FBRSL1: variants seen among roughly 807,000 people sequenced by gnomAD.
The protein encoded by FBRSL1 is fibrosin like 1.
FBRSL1 carries 51 observed loss-of-function variants against 89.6 expected under a neutral mutation model. The observed-to-expected ratio is 0.57, with a 90% CI of 0.45 to 0.72. The LOEUF (loss-of-function observed/expected upper bound fraction) is 0.72, where lower values mean the gene tolerates loss of function less well. FBRSL1 is among the 30% of genes least tolerant of loss of function. The pLI is 0.00. For missense variants in FBRSL1, 1,618 were observed against 1,451.8 expected (o/e 1.11, Z -1.86); for synonymous variants, 779 against 681.1 (o/e 1.14, Z -2.24).
chr12:132,533,821 G>C (rs1209882862), intron 4 of FBRSL1, among the ~76,000 whole-genome samples: 1 of 152,230 alleles, frequency 6.6e-6, no homozygotes, highest in South Asian at 2.1e-4. Flanking sequence ...TGCCATTCCA[G>C]AGGGGAGAGG....
intron 4 of FBRSL1, among the ~76,000 whole-genome samples, chr12:132,547,369 G>A (rs998345634): frequency 2.6e-5 from 4 of 152,124 alleles, no homozygotes; most frequent in East Asian, 1.9e-4. Flanking sequence ...ATTTGTTTTC[G>A]GGATTATCAC....
chr12:132,563,339 C>T (rs1442300145), intron 5 of FBRSL1, among the ~76,000 whole-genome samples: 1 of 85,174 alleles, frequency 1.2e-5, no homozygotes, highest in African/African-American at 4.9e-5. Flanking sequence ...CCACAGCCTG[C>T]ACCTCACATC....
chr12:132,581,771 GC>G lies in FBRSL1; in HGVS notation c.1945del (p.Leu649TrpfsTer4). 6.5e-7 allele frequency: 1 copy of G among 1,549,552 alleles called. No homozygotes were observed. The highest frequency in any genetic ancestry group is 8.7e-7 in the Non-Finnish European group (1 of 1,146,488). On this transcript the variant is annotated frameshift_variant, in exon 17 of 19. Coordinates refer to ENST00000680143, the MANE Select transcript of FBRSL1 (RefSeq NM_001367871.1). LOFTEE classifies it high-confidence loss of function. ...DPFSRPSTFG[G>X]LGSLSSHAFG... ...TTCAGCAGACCGAGCACCTTTGGGG[GC>G]CTGGGCAGCCTGAGCAGCCACGCCT...
intron 4 of FBRSL1, among the ~76,000 whole-genome samples, chr12:132,528,294 C>A (rs1292122967): frequency 6.6e-6 from 1 of 152,046 alleles, no homozygotes; most frequent in Non-Finnish European, 1.5e-5. Flanking sequence ...TCAGAGTAGT[C>A]AGCCTGCACA....
intron 18 of FBRSL1, among the ~76,000 whole-genome samples, chr12:132,582,535 C>T (rs1217003534): frequency 6.6e-6 from 1 of 151,716 alleles, no homozygotes; most frequent in Non-Finnish European, 1.5e-5. Flanking sequence ...CGACTCCTCC[C>T]TGCGGTGGGG....
In FBRSL1 at chr12:132,564,717, G is replaced by A. The variant is rs1010879975; in HGVS notation, c.646-2764G>A. On this transcript the variant is annotated intron_variant, in intron 5 of 18. Transcript: ENST00000680143. ...TCACCGTGTTAGCCAGGATGGTCTCGATCTCCTGACCTCGTGATCCGCCCT... is the reference window on the plus strand; with the variant it reads ...TCACCGTGTTAGCCAGGATGGTCTCAATCTCCTGACCTCGTGATCCGCCCT... 4.2e-4 allele frequency among the ~76,000 whole-genome samples: 36 copies of A among 85,476 alleles called. 8 individuals are homozygous for A. The highest frequency in any genetic ancestry group is 8.9e-4 in the East Asian group (1 of 1,128). 56.1% of individuals were successfully genotyped at this position (85,476 alleles called of 152,430 possible). A position where few individuals can be genotyped will look rare whatever the true frequency, so the allele number is the denominator to read the frequency against.
At chr12:132,490,997 G>C (rs937765259) in intron 1 of FBRSL1, 136 bp downstream of exon 1, 7 of 670,932 alleles carry the variant, frequency 1.0e-5, no homozygotes, top group Middle Eastern at 1.3e-3. Context: ...CCGGCCACTT[G>C]GTACCCGTTC....
rs974300504 is a variant in FBRSL1 at position 132,509,862 on chromosome 12, C to T, written c.489+1512C>T. 56 of 1,231,854 alleles carry T rather than the reference C, an allele frequency of 4.5e-5. 1 individual carries two copies. The highest frequency in any genetic ancestry group is 2.2e-4 in the East Asian group (7 of 31,702). 76.3% of individuals were successfully genotyped at this position (1,231,854 alleles called of 1,614,324 possible). ...GCGGCCACTCCTCACCCTCCGACCA[C>T]GCCGACGGCCCGCCAGCTTCCTCCC... On this transcript the variant is annotated intron_variant, in intron 2 of 18. Transcript: ENST00000680143.
chr12:132,508,707 G>A (rs1047628480), intron 2 of FBRSL1, among the ~76,000 whole-genome samples: 2 of 152,264 alleles, frequency 1.3e-5, no homozygotes, highest in Admixed American at 6.5e-5. Flanking sequence ...TCTATAAGGA[G>A]GGGGTCCAGG....
chr12:132,558,301 T>C (rs1232776482), intron 5 of FBRSL1, among the ~76,000 whole-genome samples: 1 of 152,184 alleles, frequency 6.6e-6, no homozygotes, highest in Admixed American at 6.5e-5. Context: ...GCGGCCAGCC[T>C]GCCGGCTCAG....
At chr12:132,491,418 A>AT (rs2030934817) in intron 1 of FBRSL1, among the ~76,000 whole-genome samples, 1 of 152,244 alleles carries the variant, frequency 6.6e-6, no homozygotes, top group African/African-American at 2.4e-5. Context: ...TGCTGAGCAA[A>AT]TACTGCTCCT....
At chr12:132,538,491 C>T (rs538980864) in intron 4 of FBRSL1, among the ~76,000 whole-genome samples, 244 of 152,306 alleles carry the variant, frequency 1.6e-3, no homozygotes, top group Admixed American at 2.4e-3. Flanking sequence ...CAGTGGGCGA[C>T]GCAGAGCCCA....
chr12:132,558,456 T>A (rs1230038697), intron 5 of FBRSL1, among the ~76,000 whole-genome samples: 2 of 152,220 alleles, frequency 1.3e-5, no homozygotes, highest in Non-Finnish European at 2.9e-5. Context: ...CGGAAGTGCC[T>A]ATGTGGACAC....
At chr12:132,527,807 T>G (rs2136960732) in intron 3 of FBRSL1, 146 bp from the exon 4 acceptor site, 1 of 740,576 alleles carries the variant, frequency 1.4e-6, no homozygotes. Flanking sequence ...GGGCTTCGGG[T>G]CTGTGGATCT....
chr12:132,539,408 G>A (rs2037036857), intron 4 of FBRSL1, among the ~76,000 whole-genome samples: 1 of 134,440 alleles, frequency 7.4e-6, no homozygotes, highest in South Asian at 2.5e-4. Context: ...CCAGCCCCAT[G>A]TCCACCCAGT....
chr12:132,491,911 C>T (rs1275654875), intron 1 of FBRSL1, among the ~76,000 whole-genome samples: 2 of 152,222 alleles, frequency 1.3e-5, no homozygotes. Context: ...AGAGCTGGGG[C>T]TCCTGTGGGC....
At chr12:132,498,225 C>T (rs937115160) in intron 1 of FBRSL1, among the ~76,000 whole-genome samples, 1 of 152,148 alleles carries the variant, frequency 6.6e-6, no homozygotes, top group African/African-American at 2.4e-5. Flanking sequence ...CCGGGCCCCT[C>T]GCTCACAGTG....
chr12:132,573,884 G>C (rs1476745513), intron 11 of FBRSL1, among the ~76,000 whole-genome samples: 1 of 152,226 alleles, frequency 6.6e-6, no homozygotes, highest in Non-Finnish European at 1.5e-5. Context: ...CCTGGCAAGA[G>C]CACCTGCTTC....
At chr12:132,580,619 A>G (rs1211075326) in intron 15 of FBRSL1, among the ~76,000 whole-genome samples, 1 of 152,122 alleles carries the variant, frequency 6.6e-6, no homozygotes, top group African/African-American at 2.4e-5. Context: ...CTTCCTCTCT[A>G]GTTTAGAAGA....
Sources: allele counts gnomAD v4.1 joint callset (sites outside exome capture counted in the v4.1 genomes callset), GRCh38; gene constraint gnomAD v4.1.1; transcripts MANE v1.5; gene names NCBI Gene and HGNC (gene_info 2026-07-23, HGNC 2026-07-21).